PDE3B: variants seen among roughly 807,000 people sequenced by gnomAD.
PDE3B encodes phosphodiesterase 3B, also known as cGMP-inhibited 3',5'-cyclic phosphodiesterase 3B.
A neutral mutation model predicts 116.8 loss-of-function variants in PDE3B; 66 were observed. The ratio of observed to expected loss-of-function variants is 0.56; its 90% confidence interval spans 0.46 to 0.69. PDE3B has a LOEUF of 0.69. PDE3B is among the 30% of genes least tolerant of loss of function. The pLI is 0.00. For missense variants in PDE3B, 1,384 were observed against 1,368.1 expected (o/e 1.01, Z -0.18); for synonymous variants, 595 against 533.6 (o/e 1.12, Z -1.59).
chr11:14,805,386 T>C (rs1418904589), intron 5 of PDE3B, among the ~76,000 whole-genome samples: 1 of 152,240 alleles, frequency 6.6e-6, no homozygotes, highest in African/African-American at 2.4e-5. Context: ...CTTTATCCAA[T>C]GAAGAAATAT....
chr11:14,722,306 A>T (rs1481567996), intron 1 of PDE3B, among the ~76,000 whole-genome samples: 1 of 152,088 alleles, frequency 6.6e-6, no homozygotes, highest in East Asian at 1.9e-4. Flanking sequence ...AACTTAAAGT[A>T]TAATTAAAAA....
At chr11:14,724,928 G>A (rs1379520577) in intron 1 of PDE3B, among the ~76,000 whole-genome samples, 1 of 152,080 alleles carries the variant, frequency 6.6e-6, no homozygotes, top group Non-Finnish European at 1.5e-5. Context: ...TGGAATCCAG[G>A]GATATAGCAG....
At chr11:14,801,726 G>A (rs1325815597) in intron 4 of PDE3B, among the ~76,000 whole-genome samples, 1 of 152,176 alleles carries the variant, frequency 6.6e-6, no homozygotes, top group African/African-American at 2.4e-5. Context: ...TGCTGAAGCT[G>A]CACCCGTAGC....
downstream of PDE3B, among the ~76,000 whole-genome samples, chr11:14,876,634 A>G (rs1229449382): frequency 6.6e-6 from 1 of 152,168 alleles, no homozygotes; most frequent in Admixed American, 6.6e-5. Flanking sequence ...ACAGGACACA[A>G]AAAACAGTTT....
chr11:14,832,936 C>A, intron 10 of PDE3B, 103 bp downstream of exon 10: 1 of 570,022 alleles, frequency 1.8e-6, no homozygotes, highest in Non-Finnish European at 3.1e-6. Context: ...TTTAAAACTG[C>A]TTGTTTGAAA....
the PDE3B span, among the ~76,000 whole-genome samples, chr11:14,889,161 G>C: frequency 3.4e-5 from 4 of 116,534 alleles, no homozygotes; most frequent in Non-Finnish European, 7.7e-5. Flanking sequence ...TTAAAGTCCA[G>C]TTGTTTTTTT....
intron 1 of PDE3B, among the ~76,000 whole-genome samples, chr11:14,670,226 A>T (rs1175273818): frequency 6.6e-6 from 1 of 152,166 alleles, no homozygotes; most frequent in Non-Finnish European, 1.5e-5. Flanking sequence ...TGATGACCTT[A>T]GGCAAGTTAT....
chr11:14,726,659 A>G (rs1006577280), intron 1 of PDE3B, among the ~76,000 whole-genome samples: 1 of 152,190 alleles, frequency 6.6e-6, no homozygotes, highest in Admixed American at 6.6e-5. Context: ...TATCATTGAA[A>G]CTAAGAGAGG....
In PDE3B at chr11:14,742,151, G is replaced by A. The variant is rs138387181; in HGVS notation, c.979-29786G>A. ...ATGTTGGCCTGCCTTATTAGGTTCA[G>A]GAAGTTCTCCTGGATAATATCCTGA... On this transcript the variant is annotated intron_variant, in intron 1 of 15. Transcript: ENST00000282096. Among the ~76,000 whole-genome samples, 17 of 152,282 alleles carry A rather than the reference G, an allele frequency of 1.1e-4. No homozygotes were observed. In the East Asian group the frequency reaches 3.1e-3, roughly 28 times the overall value.
chr11:14,796,747 G>A (rs577441318), intron 4 of PDE3B, among the ~76,000 whole-genome samples: 1 of 152,228 alleles, frequency 6.6e-6, no homozygotes, highest in African/African-American at 2.4e-5. Context: ...TAAGTTCTTT[G>A]TAGATTCTGG....
chr11:14,779,330 A>G (rs1289781908), intron 2 of PDE3B, among the ~76,000 whole-genome samples: 1 of 152,070 alleles, frequency 6.6e-6, no homozygotes, highest in East Asian at 1.9e-4. Context: ...CCACAAAGAT[A>G]CTCCTCGAGA....
At chr11:14,678,590 G>A (rs1375855730) in intron 1 of PDE3B, among the ~76,000 whole-genome samples, 3 of 152,098 alleles carry the variant, frequency 2.0e-5, no homozygotes, top group Non-Finnish European at 4.4e-5. Context: ...AATGGGTAAT[G>A]ATTTTGAGCA....
the PDE3B span, chr11:14,886,239 C>T: frequency 3.7e-6 from 1 of 269,582 alleles, no homozygotes; most frequent in Non-Finnish European, 7.1e-6. Context: ...GAACACTTAA[C>T]CTATCTGGGC....
chr11:14,714,496 C>T (rs915979182), intron 1 of PDE3B, among the ~76,000 whole-genome samples: 4 of 147,572 alleles, frequency 2.7e-5, no homozygotes, highest in African/African-American at 1.0e-4. Context: ...GCCATGCCTA[C>T]ACCTCTGCAT....
chr11:14,796,652 T>A (rs1201270581), intron 4 of PDE3B, among the ~76,000 whole-genome samples: 1 of 152,234 alleles, frequency 6.6e-6, no homozygotes, highest in Non-Finnish European at 1.5e-5. Context: ...GTTTGTTGGC[T>A]GCATAAATGT....
chr11:14,745,243 A>T (rs1856881454), intron 1 of PDE3B, among the ~76,000 whole-genome samples: 1 of 152,240 alleles, frequency 6.6e-6, no homozygotes, highest in Non-Finnish European at 1.5e-5. Context: ...AATATCTGTG[A>T]AATTTATAAA....
At position 14,645,025 on chromosome 11, in the gene PDE3B, C is replaced by A; in HGVS notation, c.950C>A (p.Pro317Gln). The A allele has an allele frequency of 6.2e-7, 1 of 1,611,226 alleles. No individual in the cohort carries two copies. Among genetic ancestry groups the A allele is most frequent in the Non-Finnish European group, 8.5e-7 (1 of 1,178,722 alleles). ...GGCAGTTGCAAAATATTCAGGAGAC[C>A]GTCGTTGCCTTGTATTTCCAGAGAA... ...YYGSCKIFRR[P>Q]SLPCISREQM... The change falls in exon 1 of 16, where the codon CCG (proline) becomes CAG (glutamine). Residue 317 changes from proline to glutamine, a missense_variant. By Grantham distance (76) the Pro-to-Gln change is moderately conservative. Around this residue, in one of 2 missense-constraint regions of PDE3B, gnomAD observed 956 missense variants for 806.8 expected, o/e 1.18. Coordinates refer to ENST00000282096, the MANE Select transcript of PDE3B (RefSeq NM_000922.4).
At chr11:14,676,469 G>A (rs952595626) in intron 1 of PDE3B, among the ~76,000 whole-genome samples, 2 of 152,032 alleles carry the variant, frequency 1.3e-5, no homozygotes, top group Admixed American at 6.6e-5. Context: ...GAAAAAGTAC[G>A]GTAAAAATAT....
the PDE3B span, among the ~76,000 whole-genome samples, chr11:14,884,942 A>T: frequency 6.6e-6 from 1 of 151,986 alleles, no homozygotes; most frequent in African/African-American, 2.4e-5. Flanking sequence ...TACTGCTTTC[A>T]AGTATCATTA....
Sources: allele counts gnomAD v4.1 joint callset (sites outside exome capture counted in the v4.1 genomes callset), GRCh38; gene constraint gnomAD v4.1.1; regional missense constraint gnomAD v4.1.1; transcripts MANE v1.5; gene names NCBI Gene and HGNC (gene_info 2026-07-23, HGNC 2026-07-21).